CNPY3: variants seen among roughly 807,000 people sequenced by gnomAD.
CNPY3 encodes the protein canopy FGF signaling regulator 3.
In CNPY3, 20 loss-of-function variants were observed where a neutral mutation model predicts 32.0. The observed-to-expected ratio is 0.63, with a 90% CI of 0.44 to 0.91. The LOEUF is 0.91. Ranked by LOEUF, CNPY3 falls within the 40% of genes least tolerant of loss-of-function variation. The pLI is 0.00. For missense variants in CNPY3, 299 were observed against 340.8 expected (o/e 0.88, Z 0.97); for synonymous variants, 138 against 142.9 (o/e 0.97, Z 0.24).
chr6:42,929,819 C>T (rs1721520186), intron 1 of CNPY3, 98 bp downstream of exon 1: 2 of 1,354,120 alleles, frequency 1.5e-6, no homozygotes, highest in Non-Finnish European at 2.0e-6. Context: ...GTTCCGAGCT[C>T]TGCAGGGTGT....
rs1184695239 is a variant in CNPY3 at position 42,929,641 on chromosome 6, T to C, written c.71T>C (p.Leu24Pro). 2 of 1,555,034 alleles carry C rather than the reference T, an allele frequency of 1.3e-6. No homozygotes were observed. The highest frequency in any genetic ancestry group is 8.7e-7 in the Non-Finnish European group (1 of 1,150,346). The change falls in exon 1 of 6, where the codon CTG becomes CCG. Residue 24 changes from leucine (L) to proline (P), a missense_variant. Around this residue, in one of 2 missense-constraint regions of CNPY3, gnomAD observed 88 missense variants for 62.5 expected, o/e 1.41. Coordinates refer to ENST00000372836, the MANE Select transcript of CNPY3 (RefSeq NM_006586.5). ...CCCTTGCTGCTGCTGCTGCTGCTGC[T>C]GCTGCCGGCCCCGGAGCTGGGCCCG... Reference protein sequence around the residue: ...LLPLLLLLLLLLPAPELGPSQ... With the variant: ...LLPLLLLLLLPLPAPELGPSQ...
chr6:42,938,765 A>G lies in CNPY3; in HGVS notation c.811A>G (p.Thr271Ala). 6.2e-7 allele frequency: 1 copy of G among 1,612,936 alleles called. No homozygotes were observed. The highest frequency in any genetic ancestry group is 8.5e-7 in the Non-Finnish European group (1 of 1,179,318). ...GGGCATCCAGAAGGCATCCCCTCTC[A>G]CACACAGCCCCCCTGATGAGCTCTG... ...DEGIQKASPL[T>A]HSPPDEL The change falls in exon 6 of 6, where the codon ACA becomes GCA. Residue 271 changes from threonine to alanine, a missense_variant. Thr to Ala is a moderately conservative substitution (Grantham distance 58, BLOSUM62 0). Transcript: ENST00000372836.
intron 1 of CNPY3, among the ~76,000 whole-genome samples, chr6:42,933,382 G>A (rs4714634): frequency 0.39 from 59,536 of 151,968 alleles, 12,077 homozygotes; most frequent in Non-Finnish European, 0.46. Flanking sequence ...AGGCTGACAC[G>A]TAGGAGTTGC....
At chr6:42,931,312 CAGTG>C (rs1767795950) in intron 1 of CNPY3, among the ~76,000 whole-genome samples, 1 of 151,454 alleles carries the variant, frequency 6.6e-6, no homozygotes, top group Admixed American at 6.6e-5. Flanking sequence ...CCGCAACCTC[CAGTG>C]ACCCACCCTC....
rs768430673 is a variant in CNPY3 at position 42,938,159 on chromosome 6, C to G, written c.565C>G (p.Leu189Val). 5 of 1,614,122 alleles carry G rather than the reference C, an allele frequency of 3.1e-6. No individual in the cohort carries two copies. Among genetic ancestry groups the G allele is most frequent in the Non-Finnish European group, 4.2e-6 (5 of 1,180,002 alleles). The change falls in exon 5 of 6, where the codon CTG becomes GTG. Residue 189 changes from leucine to valine, a missense_variant. Leu to Val is a conservative substitution (Grantham distance 32). This residue lies in a region of CNPY3 where 211 missense variants were observed against 278.3 expected (regional missense o/e 0.76). Transcript: ENST00000372836. The stretch of plus-strand genomic sequence containing the variant: ...GTACAGGAACCACCAGGAGGAAGAC[C>G]TGACTGAATTCCTCTGCGCCAACCA... ...DWYRNHQEED[L>V]TEFLCANHVL...
At chr6:42,937,097 G>C (rs1468159773) in intron 3 of CNPY3, among the ~76,000 whole-genome samples, 4 of 152,160 alleles carry the variant, frequency 2.6e-5, no homozygotes, top group Admixed American at 2.6e-4. Context: ...AGGAAGAACG[G>C]AACAGCAGGT....
chr6:42,935,346 T>G (rs1171325038), intron 2 of CNPY3: 1 of 839,772 alleles, frequency 1.2e-6, no homozygotes, highest in Non-Finnish European at 1.4e-6. Context: ...ACTGAATCAT[T>G]TAGCTTTATA....
At chr6:42,928,494 G>C (rs1291975207), upstream of CNPY3, among the ~76,000 whole-genome samples, 5 of 151,254 alleles carry the variant, frequency 3.3e-5, no homozygotes, top group South Asian at 8.4e-4. Context: ...CTGTTGCCCA[G>C]GCTGGTCTCC....
chr6:42,934,343 C>T, intron 1 of CNPY3, 132 bp from the exon 2 acceptor site: 1 of 1,090,872 alleles, frequency 9.2e-7, no homozygotes, highest in Admixed American at 2.0e-5. Context: ...GTTCTAACTC[C>T]TTCCCTGCCT....
chr6:42,929,963 T>G (rs1285258936), intron 1 of CNPY3, among the ~76,000 whole-genome samples: 1 of 150,110 alleles, frequency 6.7e-6, no homozygotes, highest in Non-Finnish European at 1.5e-5. Flanking sequence ...ATAGGGGAGG[T>G]ACAGAGCTTC....
chr6:42,932,312 T>C lies in CNPY3; in HGVS notation c.152-2163T>C, dbSNP rs1767887195. Among the ~76,000 whole-genome samples the C allele has an allele frequency of 3.3e-5, 5 of 152,220 alleles. No homozygotes were observed. In the South Asian group the frequency reaches 1.0e-3, roughly 31 times the overall value. ...TTTGTTTGTATTATTATTACACCTT[T>C]GTTATTAAATGCTGACTGTGTCTAG... is the stretch of plus-strand genomic sequence containing the variant. On this transcript the variant is annotated intron_variant, in intron 1 of 5. Coordinates refer to ENST00000372836, the MANE Select transcript of CNPY3 (RefSeq NM_006586.5).
intron 1 of CNPY3, among the ~76,000 whole-genome samples, chr6:42,930,810 T>C (rs1767738869): frequency 6.6e-6 from 1 of 152,196 alleles, no homozygotes; most frequent in African/African-American, 2.4e-5. Context: ...AAAAGGATGC[T>C]TTAGAGATAA....
intron 3 of CNPY3, among the ~76,000 whole-genome samples, 155 bp from the exon 4 acceptor site, chr6:42,937,562 G>A (rs1003796550): frequency 7.9e-5 from 12 of 151,754 alleles, no homozygotes; most frequent in Non-Finnish European, 1.2e-4. Context: ...CAACCTGGGC[G>A]ACAGAGTGAG....
In CNPY3 at chr6:42,938,844, A is replaced by C. The variant is rs745314983; in HGVS notation, c.*53A>C. ...CCCCTGATTTTGAAGCTGAGGAGTC[A>C]GGGGCATGGCTCTGGCAGGCCGGGA... On this transcript the variant is annotated 3_prime_UTR_variant, in exon 6 of 6. Transcript: ENST00000372836. 1.3e-6 allele frequency: 2 copies of C among 1,506,028 alleles called. No homozygotes were observed. Among genetic ancestry groups the C allele is most frequent in the Non-Finnish European group, 1.8e-6 (2 of 1,122,050 alleles). 93.3% of individuals were successfully genotyped at this position (1,506,028 alleles called of 1,614,324 possible). A position where few individuals can be genotyped will look rare whatever the true frequency, so the allele number is the denominator to read the frequency against.
chr6:42,928,442 CCTTTTT>C (rs908830090), upstream of CNPY3, among the ~76,000 whole-genome samples: 5 of 151,896 alleles, frequency 3.3e-5, no homozygotes, highest in Non-Finnish European at 5.9e-5. Context: ...CGGCGCCTGG[CCTTTTT>C]CTTCTTCTTC....
At chr6:42,929,315 C>G (rs1450579669), upstream of CNPY3, 2 of 516,782 alleles carry the variant, frequency 3.9e-6, no homozygotes, top group Non-Finnish European at 6.9e-6. Flanking sequence ...TCTTACTGGC[C>G]AAGGGCGTAA....
intron 3 of CNPY3, 34 bp downstream of exon 3, chr6:42,935,704 G>T: frequency 6.3e-7 from 1 of 1,593,792 alleles, no homozygotes; most frequent in Middle Eastern, 1.7e-4. Context: ...TCCGCTCTGG[G>T]GTCAGGCCTG....
chr6:42,928,618 A>G (rs955853009), upstream of CNPY3, among the ~76,000 whole-genome samples: 7 of 152,196 alleles, frequency 4.6e-5, no homozygotes, highest in Admixed American at 1.3e-4. Flanking sequence ...TTTACTGAGT[A>G]TCTCCTTGTG....
chr6:42,934,392 C>A, intron 1 of CNPY3, 83 bp from the exon 2 acceptor site: 1 of 1,564,292 alleles, frequency 6.4e-7, no homozygotes, highest in Non-Finnish European at 8.8e-7. Context: ...GGAAAGGATG[C>A]CCACCTGGAT....
Sources: allele counts gnomAD v4.1 joint callset (sites outside exome capture counted in the v4.1 genomes callset), GRCh38; gene constraint gnomAD v4.1.1; regional missense constraint gnomAD v4.1.1; transcripts MANE v1.5; gene names NCBI Gene and HGNC (gene_info 2026-07-23, HGNC 2026-07-21).